Variants in DAG1 observed in about 807,000 individuals in gnomAD.
DAG1 encodes dystroglycan 1 (dystrophin-associated glycoprotein 1).
In DAG1, 8 loss-of-function variants were observed where a neutral mutation model predicts 46.1. The observed-to-expected ratio is 0.17, with a 90% confidence interval of 0.10 to 0.31. The LOEUF (loss-of-function observed/expected upper bound fraction) is 0.31. Ranked by LOEUF, DAG1 falls within the 10% of genes least tolerant of loss-of-function variation. DAG1 has a pLI of 1.00. For missense variants in DAG1, 1,003 were observed against 1,189.9 expected, an observed-to-expected ratio of 0.84 and a Z score of 2.31; for synonymous variants, 495 against 481.8, an observed-to-expected ratio of 1.03 and a Z score of -0.36.
intron 1 of DAG1, among the ~76,000 whole-genome samples, chr3:49,482,046 A>G (rs2049895985): frequency 6.6e-6 from 1 of 152,214 alleles, no homozygotes; most frequent in Non-Finnish European, 1.5e-5. Context: ...ATGTGTTATA[A>G]GTAATCCAGG....
At chr3:49,490,656 G>A (rs1182589949) in intron 1 of DAG1, among the ~76,000 whole-genome samples, 2 of 150,858 alleles carry the variant, frequency 1.3e-5, no homozygotes, top group South Asian at 2.1e-4. Flanking sequence ...TGCCACCTCC[G>A]CCTCCCAAGC....
chr3:49,479,447 C>T (rs1015285197), intron 1 of DAG1, among the ~76,000 whole-genome samples: 2 of 145,908 alleles, frequency 1.4e-5, no homozygotes, highest in South Asian at 2.2e-4. Context: ...GTAGCTGAGA[C>T]GACAAGTGCG....
chr3:49,478,030 G>C (rs1402625737), intron 1 of DAG1, among the ~76,000 whole-genome samples: 1 of 151,976 alleles, frequency 6.6e-6, no homozygotes, highest in Non-Finnish European at 1.5e-5. Context: ...ACTTTGGGAG[G>C]CCGAGGCGGG....
intron 1 of DAG1, among the ~76,000 whole-genome samples, chr3:49,502,638 CTTTTTTT>C (rs66475946): frequency 8.9e-6 from 1 of 112,678 alleles, no homozygotes; most frequent in African/African-American, 3.2e-5. Flanking sequence ...CTTTAACTTT[CTTTTTTT>C]TTTTTTTTTT....
At chr3:49,523,959 G>A (rs968988925) in intron 2 of DAG1, among the ~76,000 whole-genome samples, 2 of 152,170 alleles carry the variant, frequency 1.3e-5, no homozygotes, top group East Asian at 1.9e-4. Flanking sequence ...CCATTGTTAT[G>A]GGGATGAGTC....
In DAG1 at chr3:49,532,752, T is replaced by C; in HGVS notation, c.2241T>C (p.Asp747=). The part of the protein sequence containing the change: ...PDRDPEKSSE[D]DVYLHTVIPA... ...GGGACCCTGAGAAGAGCAGTGAGGA[T>C]GATGTCTACCTGCACACAGTCATTC... is the stretch of plus-strand genomic sequence containing the variant. The change falls in exon 3 of 3, where the codon GAT becomes GAC. Residue 747 remains aspartate (D), a synonymous_variant. Coordinates refer to ENST00000308775, the MANE Select transcript of DAG1 (RefSeq NM_004393.6). The surrounding 1 kb of genome is among the most constrained non-coding windows in gnomAD (Gnocchi z 5.4). 6.2e-7 allele frequency: 1 copy of C among 1,614,096 alleles called. No homozygotes were observed.
At chr3:49,512,057 G>A (rs2050773849) in intron 2 of DAG1, among the ~76,000 whole-genome samples, 1 of 151,504 alleles carries the variant, frequency 6.6e-6, no homozygotes, top group South Asian at 2.1e-4. Flanking sequence ...TTTGAGGCAG[G>A]GTCTTGCTCT....
Position 49,491,855 on chromosome 3 carries a change from G to C in DAG1, c.-116-18564G>C, listed in dbSNP as rs148074218. 2.7e-3 allele frequency among the ~76,000 whole-genome samples: 416 copies of C among 152,158 alleles called. 3 individuals are homozygous for C. The highest frequency in any genetic ancestry group is 9.3e-3 in the African/African-American group (387 of 41,516). ...TCTGGTCTCAAACTCCTGACCTCAA[G>C]TGATCCTCCCGCCTTGGCCTCCCAG... On this transcript the variant is annotated intron_variant, in intron 1 of 2. Transcript: ENST00000308775.
intron 1 of DAG1, among the ~76,000 whole-genome samples, chr3:49,479,352 C>T (rs543708371): frequency 6.6e-6 from 1 of 150,990 alleles, no homozygotes; most frequent in Non-Finnish European, 1.5e-5. Context: ...CTCTGTTGCC[C>T]AGGCTGGAGT....
intron 2 of DAG1, among the ~76,000 whole-genome samples, chr3:49,512,038 A>G (rs984476527): frequency 6.7e-6 from 1 of 148,516 alleles, no homozygotes; most frequent in African/African-American, 2.5e-5. Flanking sequence ...TTCTTTTACA[A>G]TTTTTTTTTT....
chr3:49,472,578 C>T (rs1263438650), intron 1 of DAG1, among the ~76,000 whole-genome samples: 5 of 152,062 alleles, frequency 3.3e-5, no homozygotes, highest in East Asian at 1.9e-4. Context: ...GAGGCCGAGG[C>T]GGGCGGATCA....
chr3:49,510,903 CT>C (rs1486445101), intron 2 of DAG1, 84 bp downstream of exon 2: 1 of 1,562,746 alleles, frequency 6.4e-7, no homozygotes, highest in Non-Finnish European at 8.7e-7. Context: ...CAAGTCTAAG[CT>C]TCACCAATTC....
intron 2 of DAG1, among the ~76,000 whole-genome samples, chr3:49,526,685 C>T (rs969477436): frequency 2.0e-5 from 3 of 152,030 alleles, no homozygotes; most frequent in African/African-American, 7.2e-5. Context: ...CCACTGCACT[C>T]CAGCCCAGGT....
intron 1 of DAG1, among the ~76,000 whole-genome samples, chr3:49,478,558 T>A (rs2049765087): frequency 6.7e-6 from 1 of 149,640 alleles, no homozygotes. Context: ...TTTTAAATTT[T>A]TTGTAGAGAG....
chr3:49,515,516 A>G (rs1175141234), intron 2 of DAG1, among the ~76,000 whole-genome samples: 1 of 150,806 alleles, frequency 6.6e-6, no homozygotes, highest in Non-Finnish European at 1.5e-5. Flanking sequence ...CTTCCAAGTA[A>G]CTGGGACTAT....
Position 49,531,588 on chromosome 3 carries a change from G to A in DAG1, c.1077G>A (p.Arg359=), listed in dbSNP as rs1559578709. 6.2e-7 allele frequency: 1 copy of A among 1,612,514 alleles called. No individual in the cohort carries two copies. Among genetic ancestry groups the A allele is most frequent in the Admixed American group, 1.7e-5 (1 of 59,980 alleles). ...CAGAGACCATGGCTCCTCCAGTCAG[G>A]GATCCTGTTCCTGGGAAACCCACGG... ...PPTETMAPPV[R]DPVPGKPTVT... Residue 359 remains arginine (R), a synonymous_variant, in exon 3 of 3, where the codon AGG becomes AGA. Transcript: ENST00000308775. This position sits in a 1 kb window ranked among gnomAD's most constrained non-coding sequence, Gnocchi z 7.0.
chr3:49,517,732 G>A (rs889823215), intron 2 of DAG1, among the ~76,000 whole-genome samples: 9 of 152,228 alleles, frequency 5.9e-5, no homozygotes, highest in African/African-American at 1.4e-4. Context: ...GAAAGGTGAT[G>A]TCTGGCTGGT....
intron 2 of DAG1, among the ~76,000 whole-genome samples, chr3:49,527,235 C>A (rs1038813369): frequency 6.7e-6 from 1 of 148,740 alleles, no homozygotes; most frequent in African/African-American, 2.5e-5. Flanking sequence ...ACTAAAAATA[C>A]GAAAAATTGC....
At position 49,533,143 on chromosome 3, in the gene DAG1, T is replaced by C. The variant is rs776376235; in HGVS notation, c.2632T>C (p.Ser878Pro). ...PFTAPMEGKG[S>P]RPKNMTPYRS... Reference sequence around the variant, plus strand: ...CACAGCACCCATGGAGGGCAAGGGCTCCCGTCCCAAGAACATGACCCCATA... The same window carrying C: ...CACAGCACCCATGGAGGGCAAGGGCCCCCGTCCCAAGAACATGACCCCATA... The change falls in exon 3 of 3, where the codon TCC (serine) becomes CCC (proline). Residue 878 changes from serine (S) to proline (P), a missense_variant. Around this residue, in one of 3 missense-constraint regions of DAG1, gnomAD observed 755 missense variants for 854.1 expected, o/e 0.88. Coordinates refer to ENST00000308775, the MANE Select transcript of DAG1 (RefSeq NM_004393.6). 1.2e-6 allele frequency: 2 copies of C among 1,614,048 alleles called. No homozygotes were observed. The highest frequency in any genetic ancestry group is 3.3e-5 in the Admixed American group (2 of 60,020).
Sources: gnomAD v4.1 joint callset for allele counts (sites outside exome capture counted in the v4.1 genomes callset) on GRCh38, gnomAD v4.1.1 for gene constraint, gnomAD v4.1.1 regional missense constraint, Gnocchi (gnomAD v3.1) non-coding constraint, MANE v1.5 for transcripts, NCBI Gene and HGNC (gene_info 2026-07-23, HGNC 2026-07-21) for gene names.